The following DYRK1A variants were observed in gnomAD, a reference collection of about 807,000 sequenced individuals.
DYRK1A encodes dual specificity tyrosine phosphorylation regulated kinase 1A.
A neutral mutation model predicts 79.7 loss-of-function variants in DYRK1A; 9 were observed. That is an observed-to-expected ratio of 0.11 (90% CI 0.07 to 0.20). The LOEUF is 0.20. DYRK1A is among the 10% of genes least tolerant of loss of function. The pLI, the probability that DYRK1A is intolerant of heterozygous loss-of-function variation, is 1.00. For synonymous variants in DYRK1A, 349 were observed against 329.7 expected (o/e 1.06, Z -0.63); for missense variants, 622 against 956.0 (o/e 0.65, Z 4.61).
At chr21:37,495,263 A>AGG (rs1601287491) in intron 8 of DYRK1A, among the ~76,000 whole-genome samples, 1 of 151,114 alleles carries the variant, frequency 6.6e-6, no homozygotes, top group Admixed American at 6.6e-5. Context: ...TAATCCCAGC[A>AGG]CTTTGGGAGG....
At position 37,519,740 on chromosome 21, in the gene DYRK1A, T is replaced by TTTTTG. The variant is rs1201413333; in HGVS notation, c.*7213_*7214insGTTTT. 3.7e-5 allele frequency: 4 copies of TTTTTG among 108,110 alleles called. No homozygotes were observed. The highest frequency in any genetic ancestry group is 1.9e-4 in the African/African-American group (4 of 20,672). 6.7% of individuals were successfully genotyped at this position (108,110 alleles called of 1,614,324 possible). A position where few individuals can be genotyped will look rare whatever the true frequency, so the allele number is the denominator to read the frequency against. ...TTTTGAGGTTTGTTGTGGGAAGTTT[T>TTTTTG]TTTTTTTTTTTTTTTTTTTGAGGCG... On this transcript the variant is annotated 3_prime_UTR_variant, in exon 12 of 12. Coordinates refer to ENST00000647188, the MANE Select transcript of DYRK1A (RefSeq NM_001347721.2).
intron 1 of DYRK1A, among the ~76,000 whole-genome samples, chr21:37,382,409 C>A (rs2049675737): frequency 6.6e-6 from 1 of 151,888 alleles, no homozygotes; most frequent in Non-Finnish European, 1.5e-5. Context: ...TAAAGGAAAA[C>A]CTGGCTTGTG....
At chr21:37,436,434 C>G (rs2050926621) in intron 2 of DYRK1A, among the ~76,000 whole-genome samples, 1 of 152,152 alleles carries the variant, frequency 6.6e-6, no homozygotes, top group South Asian at 2.1e-4. Flanking sequence ...CTTACTGTTC[C>G]AGCTAGCACC....
At chr21:37,474,090 T>TC (rs1163118043) in intron 3 of DYRK1A, among the ~76,000 whole-genome samples, 1 of 152,192 alleles carries the variant, frequency 6.6e-6, no homozygotes, top group East Asian at 1.9e-4. Context: ...AGGACTGCGC[T>TC]CCCATTTGTG....
At chr21:37,452,066 A>C (rs1340525493) in intron 2 of DYRK1A, among the ~76,000 whole-genome samples, 3 of 152,068 alleles carry the variant, frequency 2.0e-5, no homozygotes, top group Non-Finnish European at 4.4e-5. Flanking sequence ...AAATGGTGGG[A>C]AATAAGACGA....
At chr21:37,445,170 C>G (rs1301549070) in intron 2 of DYRK1A, among the ~76,000 whole-genome samples, 1 of 152,100 alleles carries the variant, frequency 6.6e-6, no homozygotes, top group South Asian at 2.1e-4. Flanking sequence ...TGTTAGTTTG[C>G]TTTCATAGGG....
At chr21:37,421,547 A>G (rs1384149727) in intron 2 of DYRK1A, among the ~76,000 whole-genome samples, 2 of 152,246 alleles carry the variant, frequency 1.3e-5, no homozygotes, top group East Asian at 1.9e-4. Flanking sequence ...TTACGCATCT[A>G]TCATGCATGC....
intron 2 of DYRK1A, among the ~76,000 whole-genome samples, chr21:37,428,578 ATG>A (rs1475912755): frequency 6.6e-6 from 1 of 152,226 alleles, no homozygotes; most frequent in African/African-American, 2.4e-5. Flanking sequence ...GTTGTGAAGA[ATG>A]TATTTATTGA....
chr21:37,418,328 A>G (rs1287168298), intron 1 of DYRK1A, among the ~76,000 whole-genome samples: 1 of 152,210 alleles, frequency 6.6e-6, no homozygotes, highest in East Asian at 1.9e-4. Flanking sequence ...AGTAATGATT[A>G]ATGGATAATG....
Position 37,512,663 on chromosome 21 carries a change from A to ATT in DYRK1A, c.*141_*142dup, listed in dbSNP as rs36065358. On this transcript the variant is annotated 3_prime_UTR_variant, in exon 12 of 12. Transcript: ENST00000647188. ...GAACCGCTACAAGAGGGCAAAGCTG[A>ATT]TTTTTTTTTTAACTTGAAAAGATTG... 1.1e-3 allele frequency: 1,056 copies of ATT among 933,742 alleles called. No individual in the cohort carries two copies. The highest frequency in any genetic ancestry group is 1.3e-3 in the Non-Finnish European group (847 of 647,190). 57.8% of individuals were successfully genotyped at this position (933,742 alleles called of 1,614,324 possible).
intron 1 of DYRK1A, among the ~76,000 whole-genome samples, chr21:37,406,479 T>G (rs2050147858): frequency 6.6e-6 from 1 of 152,126 alleles, no homozygotes; most frequent in Non-Finnish European, 1.5e-5. Context: ...ATGGATCACT[T>G]GAGACCAGGA....
intron 2 of DYRK1A, chr21:37,464,228 A>C: frequency 2.2e-6 from 1 of 461,380 alleles, no homozygotes; most frequent in Non-Finnish European, 4.2e-6. Flanking sequence ...CTTATGTCCC[A>C]GTCTTTGAGA....
intron 1 of DYRK1A, among the ~76,000 whole-genome samples, chr21:37,417,536 T>TTTTCTTTTTCTTTTTCTTTTTCTTTTTC (rs1569304627): frequency 2.9e-5 from 3 of 105,094 alleles, no homozygotes; most frequent in Non-Finnish European, 6.3e-5. Context: ...TTTCTTTTTT[T>TTTTCTTTTTCTTTTTCTTTTTCTTTTTC]TTTTTTTTTT....
chr21:37,413,786 A>G (rs2050285563), intron 1 of DYRK1A, among the ~76,000 whole-genome samples: 1 of 152,134 alleles, frequency 6.6e-6, no homozygotes, highest in South Asian at 2.1e-4. Flanking sequence ...TTTTGAGTAC[A>G]TTTTGTGTAG....
At chr21:37,441,559 C>T (rs1401430215) in intron 2 of DYRK1A, among the ~76,000 whole-genome samples, 1 of 151,588 alleles carries the variant, frequency 6.6e-6, no homozygotes, top group Non-Finnish European at 1.5e-5. Context: ...TCATTTTAAC[C>T]TTGTTTTTTA....
In DYRK1A at chr21:37,512,420, T is replaced by G. The variant is rs763852674; in HGVS notation, c.2154T>G (p.Gly718=). The part of the protein sequence containing the change: ...HPTYQFSANT[G]PAHYMTEGHL... ...CATACCAATTTTCTGCTAATACAGG[T>G]CCTGCACATTACATGACTGAAGGAC... The change falls in exon 12 of 12, where the codon GGT becomes GGG. Residue 718 remains glycine (G), a synonymous_variant. Coordinates refer to ENST00000647188, the MANE Select transcript of DYRK1A (RefSeq NM_001347721.2). 1 of 1,614,190 alleles carries G rather than the reference T, an allele frequency of 6.2e-7. No homozygotes were observed. The highest frequency in any genetic ancestry group is 8.5e-7 in the Non-Finnish European group (1 of 1,180,040).
At chr21:37,434,737 C>T (rs938046373) in intron 2 of DYRK1A, among the ~76,000 whole-genome samples, 2 of 152,086 alleles carry the variant, frequency 1.3e-5, no homozygotes, top group African/African-American at 2.4e-5. Context: ...TAAAGTTTGT[C>T]GTAATAAACC....
intron 1 of DYRK1A, among the ~76,000 whole-genome samples, chr21:37,374,411 A>G (rs1170223378): frequency 6.6e-6 from 1 of 151,388 alleles, no homozygotes; most frequent in East Asian, 1.9e-4. Context: ...AGATTCCCTT[A>G]AACTATGAAA....
At chr21:37,496,770 A>T (rs548266010) in intron 9 of DYRK1A, among the ~76,000 whole-genome samples, 26 of 152,276 alleles carry the variant, frequency 1.7e-4, no homozygotes, top group Admixed American at 1.1e-3. Flanking sequence ...TCAGATTCCT[A>T]GCTCATTGAC....
Sources: gnomAD v4.1 joint callset for allele counts (sites outside exome capture counted in the v4.1 genomes callset) on GRCh38, gnomAD v4.1.1 for gene constraint, MANE v1.5 for transcripts, NCBI Gene and HGNC (gene_info 2026-07-23, HGNC 2026-07-21) for gene names.